The following NRG1 variants were observed in gnomAD, a reference collection of about 807,000 sequenced individuals.
NRG1 encodes neuregulin 1.
A neutral mutation model predicts 63.8 loss-of-function variants in NRG1; 18 were observed. The ratio of observed to expected loss-of-function variants is 0.28; its 90% CI spans 0.19 to 0.42. The LOEUF (loss-of-function observed/expected upper bound fraction) is 0.42, where lower values mean the gene tolerates loss of function less well. Among genes scored for constraint, NRG1 ranks in the 10% least tolerant of loss-of-function variants. NRG1 has a pLI of 1.00. For synonymous variants in NRG1, 302 were observed against 301.3 expected, an observed-to-expected ratio of 1.00 and a Z score of -0.02; for missense variants, 762 against 814.7, an observed-to-expected ratio of 0.94 and a Z score of 0.79.
At chr8:32,053,154 A>G (rs1822266908) in intron 1 of NRG1, among the ~76,000 whole-genome samples, 1 of 152,184 alleles carries the variant, frequency 6.6e-6, no homozygotes, top group African/African-American at 2.4e-5. Flanking sequence ...CTTAACTGCC[A>G]GGGGACATGA....
chr8:32,281,936 A>G (rs1220203795), intron 1 of NRG1, among the ~76,000 whole-genome samples: 3 of 152,252 alleles, frequency 2.0e-5, no homozygotes, highest in African/African-American at 7.2e-5. Flanking sequence ...CATCAATTTC[A>G]GATACACAGT....
At chr8:32,301,225 T>C (rs1269387453) in intron 1 of NRG1, among the ~76,000 whole-genome samples, 1 of 152,164 alleles carries the variant, frequency 6.6e-6, no homozygotes, top group Non-Finnish European at 1.5e-5. Context: ...AATAGAGCAG[T>C]TTCAAAAATA....
intron 1 of NRG1, among the ~76,000 whole-genome samples, chr8:32,316,068 A>G (rs1857350002): frequency 6.6e-6 from 1 of 151,830 alleles, no homozygotes; most frequent in African/African-American, 2.4e-5. Context: ...GGGTGAAGAA[A>G]AACAAACAAA....
At chr8:31,881,045 A>G (rs1480302440) in intron 1 of NRG1, among the ~76,000 whole-genome samples, 1 of 152,164 alleles carries the variant, frequency 6.6e-6, no homozygotes, top group Non-Finnish European at 1.5e-5. Context: ...TTTATTTAAC[A>G]TTCATTCATT....
At chr8:31,895,611 A>G (rs909908591) in intron 1 of NRG1, among the ~76,000 whole-genome samples, 2 of 152,214 alleles carry the variant, frequency 1.3e-5, no homozygotes, top group African/African-American at 2.4e-5. Context: ...CCTTTAGTGC[A>G]GTGGCCCAAA....
At chr8:32,386,102 A>T (rs938246674) in intron 1 of NRG1, among the ~76,000 whole-genome samples, 2 of 152,016 alleles carry the variant, frequency 1.3e-5, no homozygotes, top group Admixed American at 6.6e-5. Flanking sequence ...ATTTTCATTC[A>T]ATTTATTTAT....
intron 1 of NRG1, among the ~76,000 whole-genome samples, chr8:32,178,578 G>T (rs1406228367): frequency 6.6e-6 from 1 of 152,128 alleles, no homozygotes; most frequent in Non-Finnish European, 1.5e-5. Flanking sequence ...TCATTGCACT[G>T]CAGCCTAGGT....
At chr8:32,771,163 T>G (rs1428233887), downstream of NRG1, among the ~76,000 whole-genome samples, 2 of 151,834 alleles carry the variant, frequency 1.3e-5, no homozygotes, top group Non-Finnish European at 2.9e-5. Context: ...CAGACTGGAG[T>G]GCAATGGTTC....
intron 1 of NRG1, among the ~76,000 whole-genome samples, chr8:32,260,611 T>C (rs2129471512): frequency 6.6e-6 from 1 of 152,358 alleles, no homozygotes; most frequent in Non-Finnish European, 1.5e-5. Context: ...ATTTATTTCC[T>C]TTCTCAACAA....
At chr8:32,191,043 A>T (rs760207108) in intron 1 of NRG1, among the ~76,000 whole-genome samples, 2 of 152,150 alleles carry the variant, frequency 1.3e-5, no homozygotes, top group Non-Finnish European at 2.9e-5. Flanking sequence ...CACTGTGCAA[A>T]CAATTCTTGA....
At chr8:31,767,228 G>A (rs1401913709) in intron 1 of NRG1, among the ~76,000 whole-genome samples, 1 of 152,058 alleles carries the variant, frequency 6.6e-6, no homozygotes, top group Non-Finnish European at 1.5e-5. Flanking sequence ...GAGAGCTCAG[G>A]AACAGAAGTG....
chr8:32,183,807 G>C (rs774829319), intron 1 of NRG1, among the ~76,000 whole-genome samples: 2 of 152,152 alleles, frequency 1.3e-5, no homozygotes, highest in Non-Finnish European at 2.9e-5. Context: ...ACTTCAGATA[G>C]GCTCTGCAGC....
intron 1 of NRG1, among the ~76,000 whole-genome samples, chr8:32,109,549 G>T (rs2131432075): frequency 6.6e-6 from 1 of 152,042 alleles, no homozygotes; most frequent in East Asian, 1.9e-4. Flanking sequence ...ATGAATTCCA[G>T]CCAGAACCAC....
intron 1 of NRG1, among the ~76,000 whole-genome samples, chr8:32,504,150 A>C (rs1828247839): frequency 6.6e-6 from 1 of 152,130 alleles, no homozygotes; most frequent in Non-Finnish European, 1.5e-5. Flanking sequence ...GAAGCTGCTG[A>C]TCAGCAGTTT....
intron 1 of NRG1, among the ~76,000 whole-genome samples, chr8:32,484,955 C>T (rs6468113): frequency 0.64 from 96,663 of 151,966 alleles, 31,024 homozygotes; most frequent in East Asian, 0.79. Flanking sequence ...ACATACACCA[C>T]GCAACCTCCC....
chr8:32,582,625 T>C (rs1226875518), intron 1 of NRG1, among the ~76,000 whole-genome samples: 4 of 152,150 alleles, frequency 2.6e-5, no homozygotes, highest in Admixed American at 1.3e-4. Context: ...ACCTAGGTAA[T>C]AGATGGACTT....
At chr8:32,008,512 A>ATTAAATATT (rs1814171775) in intron 1 of NRG1, among the ~76,000 whole-genome samples, 2 of 152,080 alleles carry the variant, frequency 1.3e-5, no homozygotes, top group South Asian at 4.1e-4. Flanking sequence ...TATTTCAAAT[A>ATTAAATATT]TTAAATATTT....
intron 1 of NRG1, among the ~76,000 whole-genome samples, chr8:31,980,679 T>G (rs970942704): frequency 6.6e-6 from 1 of 152,040 alleles, no homozygotes; most frequent in Admixed American, 6.6e-5. Flanking sequence ...GGTTTAGGTC[T>G]AGATTAGATA....
At chr8:32,078,118 G>A (rs1408049800) in intron 1 of NRG1, among the ~76,000 whole-genome samples, 1 of 152,134 alleles carries the variant, frequency 6.6e-6, no homozygotes, top group African/African-American at 2.4e-5. Flanking sequence ...TTAGATATTT[G>A]TCCCCTCCAA....
Sources: gnomAD v4.1 joint callset for allele counts (sites outside exome capture counted in the v4.1 genomes callset) on GRCh38, gnomAD v4.1.1 for gene constraint, MANE v1.5 for transcripts, NCBI Gene and HGNC (gene_info 2026-07-23, HGNC 2026-07-21) for gene names.